The following ACSL6 variants were observed in gnomAD, a reference collection of about 807,000 sequenced individuals.
The protein encoded by ACSL6 is long-chain-fatty-acid--CoA ligase 6.
In ACSL6, 47 loss-of-function variants were observed where a neutral mutation model predicts 98.2. The observed-to-expected ratio is 0.48, with a 90% CI of 0.38 to 0.61. ACSL6 has a LOEUF of 0.61. ACSL6 is among the 20% of genes least tolerant of loss of function. The probability of loss-of-function intolerance (pLI) is 0.00; values close to 1 mark genes in which losing one functional copy is unlikely to be tolerated. For synonymous variants in ACSL6, 362 were observed against 336.9 expected (o/e 1.07, Z -0.82); for missense variants, 761 against 913.4 (o/e 0.83, Z 2.15).
chr5:132,010,961 G>GGCAGA (rs1179110716), intron 1 of ACSL6, among the ~76,000 whole-genome samples: 2 of 152,278 alleles, frequency 1.3e-5, no homozygotes, highest in African/African-American at 4.8e-5. Flanking sequence ...AGCAGCCCTG[G>GGCAGA]GCAGAGCAGA....
Position 132,011,442 on chromosome 5 carries a change from G to A in ACSL6, c.49+63C>T. ...CGCGGAGATGTAACACCTCCACCTC[G>A]GGCGAAGACCTCATAGCCTGCGGGA... On this transcript the variant is annotated intron_variant, in intron 1 of 20. Transcript: ENST00000651883. The surrounding 1 kb of genome is among the most constrained non-coding windows in gnomAD (Gnocchi z 5.4). The A allele has an allele frequency of 1.3e-6, 2 of 1,555,294 alleles. No homozygotes were observed. Among genetic ancestry groups the A allele is most frequent in the South Asian group, 1.1e-5 (1 of 89,440 alleles).
At chr5:131,957,930 A>G (rs1463548887) in intron 20 of ACSL6, among the ~76,000 whole-genome samples, 2 of 152,192 alleles carry the variant, frequency 1.3e-5, no homozygotes, top group African/African-American at 4.8e-5. Context: ...AGCCTTGGCA[A>G]TAAAACTAAA....
At chr5:131,955,609 G>C (rs1043180327) in intron 20 of ACSL6, among the ~76,000 whole-genome samples, 2 of 152,160 alleles carry the variant, frequency 1.3e-5, no homozygotes, top group African/African-American at 4.8e-5. Flanking sequence ...ATGAGGTGAG[G>C]TGCTTAGGAG....
chr5:132,000,412 C>A (rs17132288), intron 1 of ACSL6, among the ~76,000 whole-genome samples: 3 of 151,312 alleles, frequency 2.0e-5, no homozygotes, highest in Non-Finnish European at 2.9e-5. Context: ...CTATTAGGAC[C>A]GAAGCTGAGC....
At position 131,970,183 on chromosome 5, in the gene ACSL6, G is replaced by T. The variant is rs753928630; in HGVS notation, c.1452C>A (p.Gly484=). 4 of 1,614,000 alleles carry T rather than the reference G, an allele frequency of 2.5e-6. No homozygotes were observed. Among genetic ancestry groups the T allele is most frequent in the Non-Finnish European group, 3.4e-6 (4 of 1,180,010 alleles). Residue 484 remains glycine (G), a synonymous_variant, in exon 15 of 21, where the codon GGC becomes GGA. Coordinates refer to ENST00000651883, the MANE Select transcript of ACSL6 (RefSeq NM_001009185.3). ...ALGCQVYEGY[G]QTECTAGCTF... Reference sequence around the variant, plus strand: ...TACATCCAGCTGTGCACTCAGTTTGGCCATAACCTTCATAAACCTTCAAAC... The same window carrying T: ...TACATCCAGCTGTGCACTCAGTTTGTCCATAACCTTCATAAACCTTCAAAC...
At chr5:131,992,818 T>G (rs1351844650) in intron 2 of ACSL6, among the ~76,000 whole-genome samples, 1 of 152,250 alleles carries the variant, frequency 6.6e-6, no homozygotes, top group Non-Finnish European at 1.5e-5. Context: ...CCTCTCCAGA[T>G]GTGATATAGT....
At chr5:131,970,020 A>T in intron 15 of ACSL6, 108 bp downstream of exon 15, 1 of 914,216 alleles carries the variant, frequency 1.1e-6, no homozygotes, top group Non-Finnish European at 1.8e-6. Context: ...CTTTTGCTTT[A>T]TTCCTAAGTA....
In ACSL6 at chr5:131,987,138, C is replaced by T. The variant is rs548135109; in HGVS notation, c.832-284G>A. 9.2e-5 allele frequency among the ~76,000 whole-genome samples: 14 copies of T among 152,304 alleles called. No homozygotes were observed. The South Asian group carries it at 2.9e-3, about 32-fold the overall frequency. ...CCTCTTCTCAGACAGACATCTAAGC[C>T]TGAGGCTCCTGGGAGACAGGGAGGG... is the stretch of plus-strand genomic sequence containing the variant. On this transcript the variant is annotated intron_variant, in intron 7 of 20. Coordinates refer to ENST00000651883, the MANE Select transcript of ACSL6 (RefSeq NM_001009185.3).
chr5:131,998,246 G>A (rs1164093197), intron 1 of ACSL6, among the ~76,000 whole-genome samples: 1 of 152,208 alleles, frequency 6.6e-6, no homozygotes, highest in East Asian at 1.9e-4. Flanking sequence ...GGTGTTGCCA[G>A]GTGAGTGACT....
chr5:131,973,437 G>T (rs1753429161), intron 11 of ACSL6, 37 bp from the exon 12 acceptor site: 2 of 1,607,734 alleles, frequency 1.2e-6, no homozygotes, highest in Admixed American at 1.7e-5. Flanking sequence ...AGTCCCTTAG[G>T]GTGGTCACTA....
At chr5:131,971,737 T>G (rs887990621) in intron 13 of ACSL6, 92 bp from the exon 14 acceptor site, 1 of 1,108,252 alleles carries the variant, frequency 9.0e-7, no homozygotes, top group Non-Finnish European at 1.3e-6. Context: ...ATCCAACAAC[T>G]GGGTCCTACC....
intron 1 of ACSL6, among the ~76,000 whole-genome samples, chr5:131,999,048 TC>T (rs1415100016): frequency 6.6e-6 from 1 of 152,080 alleles, no homozygotes; most frequent in East Asian, 1.9e-4. Flanking sequence ...CACCAAATCA[TC>T]AAAGAATCTC....
rs1561780153 is a variant in ACSL6 at position 131,966,537 on chromosome 5, G to C, written c.1597-5C>G. The C allele has an allele frequency of 3.7e-6, 6 of 1,613,062 alleles. No individual in the cohort carries two copies. Among genetic ancestry groups the C allele is most frequent in the Non-Finnish European group, 5.1e-6 (6 of 1,179,138 alleles). On this transcript the variant is annotated splice_polypyrimidine_tract_variant and splice_region_variant and intron_variant, in intron 16 of 20. Coordinates refer to ENST00000651883, the MANE Select transcript of ACSL6 (RefSeq NM_001009185.3). ...ATTTGGTCCTCTCACACATATCTAT[G>C]GGACAAAAACCATGGCTTCTCTCAG...
upstream of ACSL6, chr5:132,011,944 G>C (rs556405893): frequency 1.4e-5 from 21 of 1,549,866 alleles, no homozygotes; most frequent in East Asian, 4.9e-4. The surrounding 1 kb of genome is among the most constrained non-coding windows in gnomAD (Gnocchi z 5.4). Flanking sequence ...GCTGGAAGGG[G>C]GAGCACGGGC....
intron 9 of ACSL6, among the ~76,000 whole-genome samples, chr5:131,979,936 A>G (rs879374777): frequency 2.6e-5 from 4 of 152,340 alleles, no homozygotes; most frequent in East Asian, 1.9e-4. Context: ...GATTCTGCCA[A>G]TGACATTTTG....
chr5:131,975,955 T>G (rs1000723445), intron 10 of ACSL6: 1 of 985,330 alleles, frequency 1.0e-6, no homozygotes, highest in African/African-American at 1.7e-5. Context: ...CTACTAAGTG[T>G]TTGGGGCACA....
intron 3 of ACSL6, 103 bp from the exon 4 acceptor site, chr5:131,990,267 T>C: frequency 2.6e-6 from 3 of 1,171,438 alleles, no homozygotes; most frequent in South Asian, 2.7e-5. Context: ...TACTGTAGTG[T>C]GTCCATGGGC....
intron 14 of ACSL6, 126 bp downstream of exon 14, chr5:131,971,424 G>T (rs1753300857): frequency 9.6e-6 from 7 of 728,092 alleles, no homozygotes; most frequent in Non-Finnish European, 1.4e-5. Flanking sequence ...CTCCTCAGAG[G>T]AGGGAGCTTT....
rs1173725284 is a variant in ACSL6 at position 131,971,571 on chromosome 5, G to C, written c.1413C>G (p.Leu471=). ...APASPTVLGF[L]RAALGCQVYE... ...ATACCTGGCACCCTAGAGCTGCCCG[G>C]AGAAATCCCAGAACTGTTGGTGATG... is the stretch of plus-strand genomic sequence containing the variant. Residue 471 remains leucine, a synonymous_variant, in exon 14 of 21, where the codon CTC becomes CTG. Coordinates refer to ENST00000651883, the MANE Select transcript of ACSL6 (RefSeq NM_001009185.3). The C allele has an allele frequency of 1.2e-6, 2 of 1,610,996 alleles. No homozygotes were observed. Among genetic ancestry groups the C allele is most frequent in the Non-Finnish European group, 1.7e-6 (2 of 1,178,398 alleles).
Sources: allele counts gnomAD v4.1 joint callset (sites outside exome capture counted in the v4.1 genomes callset), GRCh38; gene constraint gnomAD v4.1.1; non-coding constraint Gnocchi (gnomAD v3.1); transcripts MANE v1.5; gene names NCBI Gene and HGNC (gene_info 2026-07-23, HGNC 2026-07-21).